The following MMRN1 variants were observed in gnomAD, a reference collection of about 807,000 sequenced individuals.
MMRN1 encodes multimerin-1.
A neutral mutation model predicts 100.7 loss-of-function variants in MMRN1; 94 were observed. The ratio of observed to expected loss-of-function variants is 0.93; its 90% CI spans 0.79 to 1.11. The LOEUF is 1.11. Ranked by LOEUF, MMRN1 falls within the 50% of genes least tolerant of loss-of-function variation. MMRN1 has a pLI of 0.00. For synonymous variants in MMRN1, 575 were observed against 505.0 expected, an observed-to-expected ratio of 1.14 and a Z score of -1.86; for missense variants, 1,606 against 1,439.1, an observed-to-expected ratio of 1.12 and a Z score of -1.88.
At chr4:89,923,117 G>A (rs1722142004) in intron 3 of MMRN1, 51 bp from the exon 4 acceptor site, 1 of 1,416,650 alleles carries the variant, frequency 7.1e-7, no homozygotes, top group African/African-American at 1.4e-5. Flanking sequence ...TGGAAAAAAT[G>A]AGGCTGTCCC....
chr4:89,892,810 G>A (rs1721083873), upstream of MMRN1, among the ~76,000 whole-genome samples: 1 of 151,930 alleles, frequency 6.6e-6, no homozygotes, highest in African/African-American at 2.4e-5. Flanking sequence ...TCCAATGGGT[G>A]ACATTTTACC....
intron 6 of MMRN1, among the ~76,000 whole-genome samples, chr4:89,948,863 C>T (rs953267079): frequency 7.9e-5 from 12 of 152,182 alleles, no homozygotes; most frequent in African/African-American, 2.9e-4. Flanking sequence ...TCAGTAGGCA[C>T]CATGAAAGAT....
At chr4:89,929,304 G>T (rs1244850341) in intron 5 of MMRN1, among the ~76,000 whole-genome samples, 1 of 151,962 alleles carries the variant, frequency 6.6e-6, no homozygotes. Flanking sequence ...TAAATAGGTG[G>T]ATATTTAATA....
intron 1 of MMRN1, among the ~76,000 whole-genome samples, chr4:89,896,084 A>G (rs1721197929): frequency 6.6e-6 from 1 of 152,198 alleles, no homozygotes. Flanking sequence ...AGTATGGTCT[A>G]GTTCCATGAT....
At chr4:89,893,797 AAT>A (rs1721108414), upstream of MMRN1, among the ~76,000 whole-genome samples, 3 of 122,206 alleles carry the variant, frequency 2.5e-5, no homozygotes, top group Admixed American at 7.3e-5. Flanking sequence ...TAAATAAATG[AAT>A]GAGTGAATGA....
rs751944260 is a variant in MMRN1, at chr4:89,935,449, G to T, written c.1769G>T (p.Gly590Val). The T allele has an allele frequency of 3.1e-6, 5 of 1,613,526 alleles. No individual in the cohort carries two copies. In the South Asian group the frequency reaches 5.5e-5, roughly 18 times the overall value. Reference protein sequence around the residue: ...SLEMEKESLRGECEDMLSKCR... With the variant: ...SLEMEKESLRVECEDMLSKCR... ...GAGATGGAGAAAGAGTCTCTCAGAG[G>T]TGAATGTGAAGACATGTTATCCAAA... Residue 590 changes from glycine to valine, a missense_variant, in exon 6 of 8, where the codon GGT becomes GTT. Coordinates refer to ENST00000264790, the MANE Select transcript of MMRN1 (RefSeq NM_007351.3).
At chr4:89,949,049 C>T (rs916115561) in intron 6 of MMRN1, among the ~76,000 whole-genome samples, 1 of 152,066 alleles carries the variant, frequency 6.6e-6, no homozygotes, top group African/African-American at 2.4e-5. Context: ...AGAACTACAG[C>T]AAGGCAAGAC....
At chr4:89,938,335 T>C (rs1425654852) in intron 6 of MMRN1, among the ~76,000 whole-genome samples, 6 of 151,104 alleles carry the variant, frequency 4.0e-5, no homozygotes, top group Non-Finnish European at 8.9e-5. Flanking sequence ...GTTCTTAAAA[T>C]AACAATTTTG....
rs1295284106 is a variant in MMRN1, at chr4:89,935,154, C to G, written c.1474C>G (p.Leu492Val). 1.2e-6 allele frequency: 2 copies of G among 1,613,244 alleles called. No homozygotes were observed. The highest frequency in any genetic ancestry group is 1.7e-6 in the Non-Finnish European group (2 of 1,179,652). ...EVKQTHLEGA[L>V]EQEHSRSILY... ...AAAGCAGACTCATTTAGAAGGTGCT[C>G]TAGAACAGGAACACTCAAGAAGCAT... Residue 492 changes from leucine to valine, a missense_variant, in exon 6 of 8, where the codon CTA (leucine) becomes GTA (valine). Leu to Val is a conservative substitution (Grantham distance 32). Coordinates refer to ENST00000264790, the MANE Select transcript of MMRN1 (RefSeq NM_007351.3).
intron 2 of MMRN1, 54 bp downstream of exon 2, chr4:89,909,449 G>C (rs1257871229): frequency 6.3e-7 from 1 of 1,583,804 alleles, no homozygotes; most frequent in Admixed American, 1.7e-5. Context: ...ATAAATTATA[G>C]CCGGGAATAT....
At chr4:89,882,177 T>C (rs1720834357) in intron 1 of MMRN1, among the ~76,000 whole-genome samples, 1 of 151,806 alleles carries the variant, frequency 6.6e-6, no homozygotes, top group Admixed American at 6.6e-5. Flanking sequence ...GGTTTTGTCA[T>C]GTAAAAAAGA....
intron 6 of MMRN1, among the ~76,000 whole-genome samples, chr4:89,938,503 A>ATATATATG (rs1560596586): frequency 1.3e-5 from 1 of 78,676 alleles, no homozygotes; most frequent in African/African-American, 5.2e-5. Context: ...ATATATATAT[A>ATATATATG]TATATATATT....
intron 6 of MMRN1, chr4:89,951,360 T>C (rs931515319): frequency 2.8e-6 from 1 of 359,828 alleles, no homozygotes; most frequent in African/African-American, 2.1e-5. Context: ...AATGTTAACA[T>C]TTCACACCAA....
chr4:89,935,421 T>C lies in MMRN1; in HGVS notation c.1741T>C (p.Leu581=). The C allele has an allele frequency of 6.2e-7, 1 of 1,613,430 alleles. No homozygotes were observed. The highest frequency in any genetic ancestry group is 1.1e-5 in the South Asian group (1 of 91,048). ...CAAGATTAACAATCTCACCGTCTCT[T>C]TGGAGATGGAGAAAGAGTCTCTCAG... The part of the protein sequence containing the change: ...ESKINNLTVS[L]EMEKESLRGE... Residue 581 remains leucine (L), a synonymous_variant, in exon 6 of 8, where the codon TTG becomes CTG. Coordinates refer to ENST00000264790, the MANE Select transcript of MMRN1 (RefSeq NM_007351.3).
At chr4:89,911,344 T>C (rs1176159478) in intron 2 of MMRN1, among the ~76,000 whole-genome samples, 3 of 151,348 alleles carry the variant, frequency 2.0e-5, no homozygotes, top group Non-Finnish European at 4.4e-5. Context: ...AAATAAAATT[T>C]CCTCATATTA....
At chr4:89,884,841 C>T (rs1369037373) in intron 1 of MMRN1, among the ~76,000 whole-genome samples, 1 of 152,164 alleles carries the variant, frequency 6.6e-6, no homozygotes, top group Non-Finnish European at 1.5e-5. Flanking sequence ...TTACATTTTC[C>T]TTTCCAGTCA....
chr4:89,902,892 T>C (rs1191465774), intron 1 of MMRN1, among the ~76,000 whole-genome samples: 2 of 151,996 alleles, frequency 1.3e-5, no homozygotes, highest in African/African-American at 4.8e-5. Flanking sequence ...TCAGTTTGAA[T>C]ACTATATAAA....
intron 6 of MMRN1, among the ~76,000 whole-genome samples, chr4:89,949,286 G>A (rs564813924): frequency 1.3e-5 from 2 of 152,184 alleles, no homozygotes; most frequent in South Asian, 4.1e-4. Flanking sequence ...TTTTATATTT[G>A]GGAAAATTAA....
chr4:89,953,105 A>G lies in MMRN1; in HGVS notation c.3374A>G (p.Asn1125Ser), dbSNP rs772739738. The part of the protein sequence containing the change: ...GPILFNNLDV[N>S]YGASYTPRTG... ...ATCCTGTTTAATAACTTGGATGTCA[A>G]TTATGGAGCTTCATATACCCCAAGA... Residue 1125 changes from asparagine to serine, a missense_variant, in exon 8 of 8, where the codon AAT becomes AGT. Transcript: ENST00000264790. 5 of 1,613,778 alleles carry G rather than the reference A, an allele frequency of 3.1e-6. No individual in the cohort carries two copies. The highest frequency in any genetic ancestry group is 1.3e-5 in the African/African-American group (1 of 74,912).
Sources: gnomAD v4.1 joint callset for allele counts (sites outside exome capture counted in the v4.1 genomes callset) on GRCh38, gnomAD v4.1.1 for gene constraint, MANE v1.5 for transcripts, NCBI Gene and HGNC (gene_info 2026-07-23, HGNC 2026-07-21) for gene names.